Variants in CSMD1 observed in about 807,000 individuals in gnomAD.
CSMD1 encodes the protein CUB and Sushi multiple domains 1, also known as CUB and sushi domain-containing protein 1.
Under a neutral mutation model 417.5 loss-of-function variants are expected in CSMD1, and 213 were observed. The observed-to-expected ratio is 0.51, with a 90% confidence interval of 0.46 to 0.57. The LOEUF (loss-of-function observed/expected upper bound fraction) is 0.57. CSMD1 is among the 20% of genes least tolerant of loss of function. The pLI is 0.00. For synonymous variants in CSMD1, 2,862 were observed against 1,736.8 expected (o/e 1.65, Z -16.11); for missense variants, 6,923 against 4,529.7 (o/e 1.53, Z -15.17).
At chr8:3,870,450 G>A (rs796861924) in intron 5 of CSMD1, among the ~76,000 whole-genome samples, 22 of 152,050 alleles carry the variant, frequency 1.4e-4, no homozygotes, top group African/African-American at 5.1e-4. Flanking sequence ...CATGTTGGTG[G>A]GTATTTCTCT....
At chr8:4,149,348 T>C (rs956718833) in intron 3 of CSMD1, among the ~76,000 whole-genome samples, 5 of 152,178 alleles carry the variant, frequency 3.3e-5, no homozygotes, top group Admixed American at 2.6e-4. Flanking sequence ...CAGTTTGCAT[T>C]TCTAAAAAGA....
At chr8:4,395,320 G>A (rs974316202) in intron 3 of CSMD1, among the ~76,000 whole-genome samples, 2 of 152,066 alleles carry the variant, frequency 1.3e-5, no homozygotes, top group East Asian at 1.9e-4. Context: ...CAGCCCCTTC[G>A]CTATTCTTAG....
chr8:2,967,880 C>T (rs906275231), intron 57 of CSMD1, among the ~76,000 whole-genome samples: 48 of 152,130 alleles, frequency 3.2e-4, no homozygotes, highest in Admixed American at 3.0e-3. Flanking sequence ...AGCACTTGTG[C>T]TCAGGTTGAA....
At chr8:3,643,328 A>T (rs1018065439) in intron 7 of CSMD1, among the ~76,000 whole-genome samples, 1 of 152,126 alleles carries the variant, frequency 6.6e-6, no homozygotes, top group African/African-American at 2.4e-5. Flanking sequence ...AAAAAAAATG[A>T]GAGAAAAAGC....
chr8:4,495,933 C>T (rs548232223), intron 2 of CSMD1, among the ~76,000 whole-genome samples: 2 of 152,278 alleles, frequency 1.3e-5, no homozygotes, highest in South Asian at 4.1e-4. Context: ...TTCTATATGG[C>T]AAATGACAAG....
At chr8:3,253,592 T>G (rs759520550) in intron 26 of CSMD1, among the ~76,000 whole-genome samples, 1 of 152,210 alleles carries the variant, frequency 6.6e-6, no homozygotes, top group Non-Finnish European at 1.5e-5. Flanking sequence ...CTTTTTAACT[T>G]CCTGTCTCAT....
chr8:3,053,332 T>C (rs2128990099), intron 49 of CSMD1, among the ~76,000 whole-genome samples: 1 of 152,308 alleles, frequency 6.6e-6, no homozygotes, highest in East Asian at 1.9e-4. Context: ...GAAGAAGGGA[T>C]GAAGCAGCAT....
chr8:4,578,343 T>TA, intron 2 of CSMD1, among the ~76,000 whole-genome samples: 1 of 142,662 alleles, frequency 7.0e-6, no homozygotes, highest in South Asian at 2.3e-4. Context: ...TTTTTTTTTT[T>TA]TTTTTTTTTT....
In CSMD1 at chr8:3,302,291, GT is replaced by G. The variant is rs540896928; in HGVS notation, c.3950+5403del. Among the ~76,000 whole-genome samples, 93 of 152,148 alleles carry G rather than the reference GT, an allele frequency of 6.1e-4. No homozygotes were observed. The East Asian group carries it at 0.012, about 20-fold the overall frequency. ...AAATAACTCTAGAAGTTTCTTTAATGTTTTTTTCTGGAGTCACTTCTTCTGG... is the reference window on the plus strand; with the variant it reads ...AAATAACTCTAGAAGTTTCTTTAATGTTTTTTCTGGAGTCACTTCTTCTGG... On this transcript the variant is annotated intron_variant, in intron 25 of 69. Transcript: ENST00000635120.
At chr8:4,403,732 A>G (rs1025922438) in intron 3 of CSMD1, among the ~76,000 whole-genome samples, 1 of 152,090 alleles carries the variant, frequency 6.6e-6, no homozygotes, top group African/African-American at 2.4e-5. Context: ...TTGCCTGCTG[A>G]TGACCTCATC....
intron 3 of CSMD1, among the ~76,000 whole-genome samples, chr8:4,117,151 C>T (rs879469308): frequency 7.9e-5 from 12 of 151,798 alleles, no homozygotes; most frequent in Non-Finnish European, 1.6e-4. Context: ...AAAAGACAGA[C>T]ACGTCCTCGA....
At chr8:3,969,130 A>G (rs192118870) in intron 5 of CSMD1, among the ~76,000 whole-genome samples, 2 of 152,254 alleles carry the variant, frequency 1.3e-5, no homozygotes, top group Non-Finnish European at 2.9e-5. Context: ...ATATGCCTGT[A>G]ATGTTACTAC....
At chr8:4,724,994 G>A (rs1197790113) in intron 1 of CSMD1, among the ~76,000 whole-genome samples, 1 of 152,032 alleles carries the variant, frequency 6.6e-6, no homozygotes, top group East Asian at 1.9e-4. Context: ...TTTGGTTGAG[G>A]GAAAAGTCGT....
At chr8:4,277,836 C>A (rs1796571396) in intron 3 of CSMD1, among the ~76,000 whole-genome samples, 1 of 152,134 alleles carries the variant, frequency 6.6e-6, no homozygotes. Context: ...CAAGGTCTGC[C>A]TCCCTGGTTC....
At chr8:3,546,945 T>C (rs1177934359) in intron 10 of CSMD1, among the ~76,000 whole-genome samples, 2 of 152,224 alleles carry the variant, frequency 1.3e-5, no homozygotes, top group Non-Finnish European at 2.9e-5. Flanking sequence ...TCAGAGGTCT[T>C]GAGCTGTTTT....
chr8:2,941,152 T>G (rs1386526451), intron 69 of CSMD1, among the ~76,000 whole-genome samples: 1 of 152,210 alleles, frequency 6.6e-6, no homozygotes, highest in East Asian at 1.9e-4. Context: ...ATTTTCTAAA[T>G]ATCATCTGAA....
intron 50 of CSMD1, among the ~76,000 whole-genome samples, chr8:3,045,936 G>A (rs7388550): frequency 0.75 from 114,685 of 152,080 alleles, 44,056 homozygotes; most frequent in Non-Finnish European, 0.83. Context: ...GGGGTATAGG[G>A]TTAGTTTTAA....
chr8:3,006,486 C>G (rs1482031597), intron 52 of CSMD1, among the ~76,000 whole-genome samples: 1 of 152,094 alleles, frequency 6.6e-6, no homozygotes, highest in African/African-American at 2.4e-5. Flanking sequence ...GCCAAAAGAA[C>G]AAAGCTGGAG....
intron 33 of CSMD1, among the ~76,000 whole-genome samples, chr8:3,195,335 G>A (rs1053567282): frequency 6.6e-6 from 1 of 152,072 alleles, no homozygotes; most frequent in African/African-American, 2.4e-5. Flanking sequence ...AGAAGGATGT[G>A]GGCTCTGCCT....
Sources: allele counts gnomAD v4.1 joint callset (sites outside exome capture counted in the v4.1 genomes callset), GRCh38; gene constraint gnomAD v4.1.1; transcripts MANE v1.5; gene names NCBI Gene and HGNC (gene_info 2026-07-23, HGNC 2026-07-21).